Variants in ADGRD1 observed in about 807,000 individuals in gnomAD.
ADGRD1 encodes adhesion G protein-coupled receptor D1.
Under a neutral mutation model 113.4 loss-of-function variants are expected in ADGRD1, and 77 were observed. The observed-to-expected ratio is 0.68, with a 90% CI of 0.57 to 0.82. The LOEUF (loss-of-function observed/expected upper bound fraction) is 0.82. ADGRD1 is among the 40% of genes least tolerant of loss of function. The pLI is 0.00. For synonymous variants in ADGRD1, 474 were observed against 475.0 expected, an observed-to-expected ratio of 1.00 and a Z score of 0.03; for missense variants, 1,036 against 1,139.1, an observed-to-expected ratio of 0.91 and a Z score of 1.30.
intron 2 of ADGRD1, among the ~76,000 whole-genome samples, chr12:130,958,250 A>G (rs1869906581): frequency 7.5e-6 from 1 of 133,256 alleles, no homozygotes; most frequent in Admixed American, 9.4e-5. Flanking sequence ...CCCAGGCTGG[A>G]GTGCAATGGC....
rs1566019346 is a variant in ADGRD1, at chr12:131,003,272, G to A, written c.1114G>A (p.Val372Ile). 2.5e-6 allele frequency: 4 copies of A among 1,613,930 alleles called. No homozygotes were observed. Among genetic ancestry groups the A allele is most frequent in the Non-Finnish European group, 3.4e-6 (4 of 1,179,920 alleles). ...SSNLHGSTPQ[V>I]TVEGSSAMAE... ...CAACCTGCACGGCAGCACGCCCCAG[G>A]TCACCGTGGAGGGCTCCTCTGCCAT... Residue 372 changes from valine (V) to isoleucine (I), a missense_variant, in exon 10 of 25, where the codon GTC becomes ATC. By Grantham distance (29) the Val-to-Ile change is conservative. Coordinates refer to ENST00000261654, the MANE Select transcript of ADGRD1 (RefSeq NM_198827.5). This position sits in a 1 kb window ranked among gnomAD's most constrained non-coding sequence, Gnocchi z 4.8.
At chr12:131,040,554 C>T (rs547857337) in intron 13 of ADGRD1, among the ~76,000 whole-genome samples, 2 of 152,358 alleles carry the variant, frequency 1.3e-5, no homozygotes, top group South Asian at 4.1e-4. Context: ...TGAGCACCAC[C>T]GTGGGCAGCC....
rs957897569 is a variant in ADGRD1 at position 131,115,543 on chromosome 12, C to T, written c.2042-2842C>T. Among the ~76,000 whole-genome samples, 4 of 142,088 alleles carry T rather than the reference C, an allele frequency of 2.8e-5. No homozygotes were observed. The East Asian group carries it at 6.1e-4, about 22-fold the overall frequency. The allele number at this position is 142,088 out of a possible 152,430, so 93.2% of individuals were successfully genotyped here. On this transcript the variant is annotated intron_variant, in intron 18 of 24. Transcript: ENST00000261654. ...TCCCAGGCCTTCGCTTCACCCACCT[C>T]GGTTAATCTCTCATAACCCATGCTC...
intron 13 of ADGRD1, among the ~76,000 whole-genome samples, chr12:131,017,384 C>A (rs1878708193): frequency 6.7e-6 from 1 of 149,714 alleles, no homozygotes; most frequent in African/African-American, 2.5e-5. Flanking sequence ...TCCACACACA[C>A]CCAGTCCACA....
chr12:131,010,117 G>T (rs1877683864), intron 12 of ADGRD1, among the ~76,000 whole-genome samples: 1 of 152,238 alleles, frequency 6.6e-6, no homozygotes, highest in Non-Finnish European at 1.5e-5. Context: ...TCCTTCTGCT[G>T]TTTGCGTCAG....
intron 13 of ADGRD1, among the ~76,000 whole-genome samples, chr12:131,045,629 G>C (rs1027103073): frequency 6.6e-6 from 1 of 152,134 alleles, no homozygotes; most frequent in African/African-American, 2.4e-5. Context: ...AGCTGAGAGG[G>C]ATGTGGGGAT....
intron 20 of ADGRD1, among the ~76,000 whole-genome samples, chr12:131,123,476 G>T (rs1950656906): frequency 6.6e-6 from 1 of 152,064 alleles, no homozygotes; most frequent in Non-Finnish European, 1.5e-5. Flanking sequence ...GACATTGGTA[G>T]CAACAGGCAG....
intron 14 of ADGRD1, among the ~76,000 whole-genome samples, chr12:131,079,783 T>C (rs1885927784): frequency 6.6e-6 from 1 of 152,186 alleles, no homozygotes; most frequent in African/African-American, 2.4e-5. Context: ...TGGTATTCCG[T>C]TGTTAGCCTT....
At chr12:131,051,486 C>CT (rs1555254485) in intron 13 of ADGRD1, among the ~76,000 whole-genome samples, 3 of 147,166 alleles carry the variant, frequency 2.0e-5, no homozygotes, top group Non-Finnish European at 3.0e-5. Context: ...TCTTTCTTTT[C>CT]TTTTTTTTTT....
At chr12:130,975,318 C>G (rs1419511639) in intron 4 of ADGRD1, among the ~76,000 whole-genome samples, 1 of 152,186 alleles carries the variant, frequency 6.6e-6, no homozygotes, top group African/African-American at 2.4e-5. Context: ...TCACTTCCGT[C>G]TCCCTTACTT....
chr12:130,964,737 A>C (rs1387412565), intron 2 of ADGRD1, among the ~76,000 whole-genome samples: 3 of 152,174 alleles, frequency 2.0e-5, no homozygotes, highest in Non-Finnish European at 4.4e-5. Flanking sequence ...TCACAAACTG[A>C]ATTTCCATAT....
intron 8 of ADGRD1, among the ~76,000 whole-genome samples, chr12:130,996,828 G>A (rs1304540831): frequency 6.6e-4 from 75 of 113,914 alleles, no homozygotes; most frequent in Non-Finnish European, 1.0e-3. Flanking sequence ...CTGGCCGGGC[G>A]GGGGGCTGAC....
chr12:131,039,929 C>T lies in ADGRD1; in HGVS notation c.1473+25589C>T, dbSNP rs576363606. 3.7e-4 allele frequency among the ~76,000 whole-genome samples: 57 copies of T among 152,348 alleles called. No individual in the cohort carries two copies. The South Asian group carries it at 0.012, about 32-fold the overall frequency. On this transcript the variant is annotated intron_variant, in intron 13 of 24. Coordinates refer to ENST00000261654, the MANE Select transcript of ADGRD1 (RefSeq NM_198827.5). The stretch of plus-strand genomic sequence containing the variant: ...CGGCCAGCTGTGCTGGTGGCCCTGC[C>T]GGCGGTCCCTGAGGCCGGCGCAGAT...
rs1473182014 is a variant in ADGRD1, at chr12:130,984,573, T to C, written c.490+2510T>C. On this transcript the variant is annotated intron_variant, in intron 5 of 24. Transcript: ENST00000261654. This position sits in a 1 kb window ranked among gnomAD's most constrained non-coding sequence, Gnocchi z 4.1. ...TCTACACAGGCACAGCTTCCCCCAC[T>C]ATGGACATTCCCCCACCAGAATGAT... is the stretch of plus-strand genomic sequence containing the variant. Among the ~76,000 whole-genome samples the C allele has an allele frequency of 6.6e-6, 1 of 152,060 alleles. No individual in the cohort carries two copies. The highest frequency in any genetic ancestry group is 1.5e-5 in the Non-Finnish European group (1 of 68,018).
chr12:131,064,365 A>G (rs1038493722), intron 13 of ADGRD1, among the ~76,000 whole-genome samples: 3 of 152,230 alleles, frequency 2.0e-5, no homozygotes, highest in African/African-American at 7.2e-5. Flanking sequence ...CTAATCATGA[A>G]CAGATATTGG....
intron 13 of ADGRD1, among the ~76,000 whole-genome samples, chr12:131,018,306 C>G (rs1340527403): frequency 6.6e-6 from 1 of 152,238 alleles, no homozygotes; most frequent in East Asian, 1.9e-4. Context: ...TCCCAGGTGT[C>G]TGCATGTCTG....
At chr12:131,083,713 G>A (rs917245964) in intron 14 of ADGRD1, among the ~76,000 whole-genome samples, 6 of 152,222 alleles carry the variant, frequency 3.9e-5, no homozygotes, top group African/African-American at 1.2e-4. Flanking sequence ...CCGAGAGCAC[G>A]TTTGCTTCCA....
intron 20 of ADGRD1, among the ~76,000 whole-genome samples, chr12:131,130,381 C>T (rs1423892366): frequency 6.6e-6 from 1 of 152,178 alleles, no homozygotes; most frequent in Non-Finnish European, 1.5e-5. Context: ...TTGGGGTGCT[C>T]ACTGCCACAA....
chr12:131,124,544 T>C (rs998911723), intron 20 of ADGRD1, among the ~76,000 whole-genome samples: 4 of 152,168 alleles, frequency 2.6e-5, no homozygotes, highest in African/African-American at 7.2e-5. Flanking sequence ...AGGCAAGAAT[T>C]TGGGAGACAG....
Sources: allele counts gnomAD v4.1 joint callset (sites outside exome capture counted in the v4.1 genomes callset), GRCh38; gene constraint gnomAD v4.1.1; non-coding constraint Gnocchi (gnomAD v3.1); transcripts MANE v1.5; gene names NCBI Gene and HGNC (gene_info 2026-07-23, HGNC 2026-07-21).